The following ZNF148 variants were observed in gnomAD, a reference collection of about 807,000 sequenced individuals.
The protein encoded by ZNF148 is zinc finger protein 148.
In ZNF148, 7 loss-of-function variants were observed where a neutral mutation model predicts 67.7. That is an observed-to-expected ratio of 0.10 (90% confidence interval 0.06 to 0.19). The LOEUF (loss-of-function observed/expected upper bound fraction) is 0.19, where lower values mean the gene tolerates loss of function less well. ZNF148 is among the 10% of genes least tolerant of loss of function. The pLI, the probability that ZNF148 is intolerant of heterozygous loss-of-function variation, is 1.00. For missense variants in ZNF148, 583 were observed against 947.1 expected (o/e 0.62, Z 5.05); for synonymous variants, 333 against 330.7 (o/e 1.01, Z -0.08).
intron 1 of ZNF148, among the ~76,000 whole-genome samples, chr3:125,355,814 T>C (rs1040900906): frequency 2.6e-5 from 4 of 152,162 alleles, no homozygotes; most frequent in Admixed American, 2.6e-4. Context: ...AATATTGTTG[T>C]GTGTGGCTAA....
chr3:125,245,180 T>C (rs1053529543), intron 7 of ZNF148, among the ~76,000 whole-genome samples: 3 of 152,324 alleles, frequency 2.0e-5, no homozygotes, highest in African/African-American at 7.2e-5. Flanking sequence ...TGACATGGTT[T>C]GGCTCTGTTC....
At position 125,330,403 on chromosome 3, in the gene ZNF148, G is replaced by A. The variant is rs1941234354; in HGVS notation, c.-153+755C>T. Among the ~76,000 whole-genome samples, 3 of 147,502 alleles carry A rather than the reference G, an allele frequency of 2.0e-5. 1 individual carries two copies. The South Asian group carries it at 6.3e-4, about 31-fold the overall frequency. ...ATCACTTGAGCCCCGCAGGTAGAGG[G>A]TGCAGTGAGCCAAGATCACACCACT... is the stretch of plus-strand genomic sequence containing the variant. On this transcript the variant is annotated intron_variant, in intron 2 of 8. Transcript: ENST00000360647.
intron 6 of ZNF148, 70 bp from the exon 7 acceptor site, chr3:125,277,879 G>A (rs1938156240): frequency 1.5e-6 from 2 of 1,309,806 alleles, no homozygotes; most frequent in African/African-American, 1.5e-5. Flanking sequence ...TGTTTCTGAG[G>A]AAAGAAAAAT....
At chr3:125,243,552 A>C (rs1032043916) in intron 7 of ZNF148, among the ~76,000 whole-genome samples, 2 of 152,018 alleles carry the variant, frequency 1.3e-5, no homozygotes, top group Non-Finnish European at 2.9e-5. Context: ...GCAGGGTCTC[A>C]CTCTGGCACC....
At chr3:125,336,677 C>CCTTTTTT (rs1941507063) in intron 1 of ZNF148, among the ~76,000 whole-genome samples, 1 of 95,306 alleles carries the variant, frequency 1.0e-5, no homozygotes, top group African/African-American at 4.5e-5. Context: ...CAGAAATCAC[C>CCTTTTTT]TTTTTTTTTT....
chr3:125,271,279 G>A (rs192659793), intron 7 of ZNF148, among the ~76,000 whole-genome samples: 2 of 152,048 alleles, frequency 1.3e-5, no homozygotes, highest in East Asian at 1.9e-4. Flanking sequence ...CACTCTCCCC[G>A]TCCTTCCTGC....
intron 4 of ZNF148, among the ~76,000 whole-genome samples, chr3:125,296,177 A>C (rs190213525): frequency 1.3e-5 from 2 of 150,724 alleles, no homozygotes; most frequent in East Asian, 3.9e-4. Flanking sequence ...ACTGGAGTGC[A>C]GTGGTGCAAT....
chr3:125,282,806 G>T (rs574871944), intron 5 of ZNF148, among the ~76,000 whole-genome samples: 1 of 152,116 alleles, frequency 6.6e-6, no homozygotes, highest in African/African-American at 2.4e-5. Flanking sequence ...CAAATTCAGA[G>T]ATTTTTCACT....
intron 1 of ZNF148, chr3:125,357,245 G>C (rs1942378207): frequency 1.3e-5 from 2 of 153,438 alleles, no homozygotes; most frequent in African/African-American, 2.4e-5. Flanking sequence ...GGCCCAAAGT[G>C]CGCCAGCTTC....
chr3:125,312,912 T>C (rs1474483554), intron 4 of ZNF148, among the ~76,000 whole-genome samples: 1 of 152,152 alleles, frequency 6.6e-6, no homozygotes, highest in African/African-American at 2.4e-5. Flanking sequence ...TAGGAGCATA[T>C]TAGAAAAATT....
intron 7 of ZNF148, among the ~76,000 whole-genome samples, chr3:125,250,249 T>C (rs992297742): frequency 6.6e-6 from 1 of 152,248 alleles, no homozygotes; most frequent in Non-Finnish European, 1.5e-5. Flanking sequence ...ACATATATCA[T>C]GTTGTATACC....
intron 7 of ZNF148, among the ~76,000 whole-genome samples, chr3:125,253,448 T>C (rs576815171): frequency 3.9e-5 from 6 of 152,326 alleles, no homozygotes; most frequent in African/African-American, 1.4e-4. Flanking sequence ...TTTTTTGTTC[T>C]GGCCTTACTG....
chr3:125,283,648 C>T (rs1474439804), intron 5 of ZNF148, among the ~76,000 whole-genome samples: 1 of 152,018 alleles, frequency 6.6e-6, no homozygotes, highest in Non-Finnish European at 1.5e-5. Context: ...TGTTTGCATC[C>T]TCCGTCTTAT....
intron 5 of ZNF148, among the ~76,000 whole-genome samples, chr3:125,284,430 T>C (rs534202855): frequency 6.6e-6 from 1 of 152,186 alleles, no homozygotes; most frequent in South Asian, 2.1e-4. Flanking sequence ...TAAAAATGAA[T>C]AGCACGTCAC....
At chr3:125,368,193 G>T (rs1196485696) in intron 1 of ZNF148, among the ~76,000 whole-genome samples, 1 of 152,106 alleles carries the variant, frequency 6.6e-6, no homozygotes, top group Admixed American at 6.5e-5. Flanking sequence ...CTTGCTCAAG[G>T]TAATAAAATT....
At chr3:125,353,198 A>G (rs1252606138) in intron 1 of ZNF148, among the ~76,000 whole-genome samples, 1 of 152,230 alleles carries the variant, frequency 6.6e-6, no homozygotes, top group Non-Finnish European at 1.5e-5. Context: ...GTATGTATAC[A>G]AAGTATACAT....
intron 1 of ZNF148, chr3:125,357,221 G>A (rs1942376823): frequency 6.5e-6 from 1 of 152,678 alleles, no homozygotes; most frequent in Non-Finnish European, 1.5e-5. Context: ...GGCCGCCGCA[G>A]ACGACCCCGC....
At chr3:125,296,708 A>G (rs1939301188) in intron 4 of ZNF148, among the ~76,000 whole-genome samples, 1 of 152,204 alleles carries the variant, frequency 6.6e-6, no homozygotes, top group Non-Finnish European at 1.5e-5. Context: ...TATTTATAAC[A>G]GTAAGAAAAG....
At chr3:125,313,256 G>A (rs377601498) in intron 4 of ZNF148, 52 bp downstream of exon 4, 66 of 1,476,920 alleles carry the variant, frequency 4.5e-5, no homozygotes, top group African/African-American at 8.4e-5. Context: ...GCAGTATTAC[G>A]TAACAAAAAA....
Sources: gnomAD v4.1 joint callset for allele counts (sites outside exome capture counted in the v4.1 genomes callset) on GRCh38, gnomAD v4.1.1 for gene constraint, MANE v1.5 for transcripts, NCBI Gene and HGNC (gene_info 2026-07-23, HGNC 2026-07-21) for gene names.